The following NPR3 variants were observed in gnomAD, a reference collection of about 807,000 sequenced individuals.
NPR3 encodes atrial natriuretic peptide receptor 3.
A neutral mutation model predicts 54.5 loss-of-function variants in NPR3; 34 were observed. That is an observed-to-expected ratio of 0.62 (90% CI 0.47 to 0.83). The LOEUF (loss-of-function observed/expected upper bound fraction) is 0.83, where lower values mean the gene tolerates loss of function less well. Among genes scored for constraint, NPR3 ranks in the 40% least tolerant of loss-of-function variants. NPR3 has a pLI of 0.00. For synonymous variants in NPR3, 289 were observed against 297.1 expected, an observed-to-expected ratio of 0.97 and a Z score of 0.28; for missense variants, 674 against 720.8, an observed-to-expected ratio of 0.94 and a Z score of 0.74.
chr5:32,730,334 A>G (rs1459728810), intron 2 of NPR3, among the ~76,000 whole-genome samples: 3 of 152,230 alleles, frequency 2.0e-5, no homozygotes, highest in Non-Finnish European at 4.4e-5. Flanking sequence ...GCTTAGGTTG[A>G]CAAAGAACAC....
intron 1 of NPR3, among the ~76,000 whole-genome samples, chr5:32,715,826 T>C (rs1738518721): frequency 6.6e-6 from 1 of 152,260 alleles, no homozygotes; most frequent in African/African-American, 2.4e-5. Flanking sequence ...TGTAGTTTTA[T>C]CCTTTTAGTT....
intron 1 of NPR3, chr5:32,716,483 T>C (rs10057069): frequency 0.22 from 99,261 of 447,850 alleles, 12,225 homozygotes; most frequent in Middle Eastern, 0.34. Flanking sequence ...TCCAGTCATC[T>C]TTCCAATATG....
chr5:32,708,612 T>G (rs1317297271), upstream of NPR3, among the ~76,000 whole-genome samples: 1 of 152,230 alleles, frequency 6.6e-6, no homozygotes. Context: ...ATATCACTTA[T>G]ACTGTTTGGG....
chr5:32,722,264 G>A (rs1451831454), intron 1 of NPR3, among the ~76,000 whole-genome samples: 1 of 152,196 alleles, frequency 6.6e-6, no homozygotes, highest in Non-Finnish European at 1.5e-5. Context: ...CTCTTAGATG[G>A]ATGCCTAGGG....
At chr5:32,772,940 GGCAAACACGAAATATCTGCTTCCGGGAT>G in intron 3 of NPR3, among the ~76,000 whole-genome samples, 1 of 152,274 alleles carries the variant, frequency 6.6e-6, no homozygotes, top group Admixed American at 6.5e-5. Flanking sequence ...ACTAGCTTTT[GGCAAACACGAAATATCTGCTTCCGGGAT>G]GCAAACAGGA....
At chr5:32,745,575 C>T (rs1042241835) in intron 3 of NPR3, among the ~76,000 whole-genome samples, 12 of 152,162 alleles carry the variant, frequency 7.9e-5, no homozygotes, top group Non-Finnish European at 8.8e-5. Context: ...TCAGTCTGAC[C>T]CTTTTAACAA....
chr5:32,728,217 C>G (rs79040908), intron 2 of NPR3, among the ~76,000 whole-genome samples: 17,522 of 152,150 alleles, frequency 0.12, 1,183 homozygotes, highest in East Asian at 0.23. Flanking sequence ...AATGCTAGCA[C>G]TTTGGGAGGC....
At chr5:32,699,576 T>C (rs182654860) in intron 1 of NPR3, among the ~76,000 whole-genome samples, 1 of 152,232 alleles carries the variant, frequency 6.6e-6, no homozygotes, top group Non-Finnish European at 1.5e-5. Flanking sequence ...GGAAAAACTC[T>C]GCACTTTAAC....
At chr5:32,780,958 G>A in intron 5 of NPR3, 142 bp downstream of exon 5, 2 of 598,612 alleles carry the variant, frequency 3.3e-6, no homozygotes, top group Admixed American at 3.0e-5. Flanking sequence ...TTTTGATTGA[G>A]GGTTCAAGGA....
intron 4 of NPR3, among the ~76,000 whole-genome samples, chr5:32,776,094 T>C (rs752626371): frequency 2.0e-5 from 3 of 152,234 alleles, no homozygotes; most frequent in Non-Finnish European, 4.4e-5. Flanking sequence ...TGTATAAATA[T>C]TTTAAGCCTT....
intron 1 of NPR3, among the ~76,000 whole-genome samples, chr5:32,700,401 T>A (rs1304216835): frequency 6.6e-6 from 1 of 152,028 alleles, no homozygotes; most frequent in African/African-American, 2.4e-5. Flanking sequence ...TTCTTTTTTC[T>A]TTTTTTTCAT....
intron 7 of NPR3, 122 bp downstream of exon 7, chr5:32,785,005 A>C: frequency 1.2e-6 from 1 of 804,864 alleles, no homozygotes; most frequent in Non-Finnish European, 2.0e-6. Flanking sequence ...GGTGGTTAAA[A>C]AATCTCAGCC....
intron 2 of NPR3, among the ~76,000 whole-genome samples, chr5:32,735,277 TA>T (rs1485765333): frequency 1.3e-5 from 2 of 152,152 alleles, no homozygotes; most frequent in East Asian, 3.8e-4. Flanking sequence ...GCTGCTTCTT[TA>T]CTGTTAACCT....
intron 7 of NPR3, among the ~76,000 whole-genome samples, chr5:32,785,172 G>T (rs1293882663): frequency 4.0e-5 from 5 of 123,724 alleles, no homozygotes; most frequent in South Asian, 2.5e-4. Context: ...TTTTTGAGAC[G>T]GAGTCTCAGT....
At chr5:32,762,927 AT>A (rs1741254367) in intron 3 of NPR3, among the ~76,000 whole-genome samples, 3 of 152,082 alleles carry the variant, frequency 2.0e-5, no homozygotes, top group Admixed American at 1.3e-4. Context: ...CCTGAATGGT[AT>A]TGCCTAGGTT....
At chr5:32,779,446 C>A (rs748617115) in intron 4 of NPR3, among the ~76,000 whole-genome samples, 2 of 152,200 alleles carry the variant, frequency 1.3e-5, no homozygotes, top group Non-Finnish European at 2.9e-5. Context: ...CCATTATAGG[C>A]CAAAGCAAGT....
At position 32,789,498 on chromosome 5, in the gene NPR3, C is replaced by G. The variant is rs1308421199; in HGVS notation, c.*3153C>G. 1.9e-6 allele frequency: 1 copy of G among 534,698 alleles called. No individual in the cohort carries two copies. Among genetic ancestry groups the G allele is most frequent in the South Asian group, 1.4e-5 (1 of 71,590 alleles). The allele number at this position is 534,698 out of a possible 1,614,324, so 33.1% of individuals were successfully genotyped here. A position where few individuals can be genotyped will look rare whatever the true frequency, so the allele number is the denominator to read the frequency against. ...TGGTTCTACAGACCCTACTATAATT[C>G]TTCACATTTCAGAACCCATGTTTAA... On this transcript the variant is annotated 3_prime_UTR_variant, in exon 8 of 8. Coordinates refer to ENST00000265074, the MANE Select transcript of NPR3 (RefSeq NM_001204375.2).
rs146806371 is a variant in NPR3, at chr5:32,703,080, A to G, written c.100+13894A>G. On this transcript the variant is annotated intron_variant, in intron 1 of 5. Coordinates refer to the NPR3 transcript ENST00000509104. ...ACTATTCCTTTCCCTTTTCATAAGC[A>G]AAGGAATCTCTCCATATGGTCATCA... Among the ~76,000 whole-genome samples the G allele has an allele frequency of 3.7e-3, 559 of 152,260 alleles. 1 individual carries two copies. The highest frequency in any genetic ancestry group is 6.7e-3 in the Non-Finnish European group (457 of 68,022).
chr5:32,760,780 T>C (rs1237455110), intron 3 of NPR3, among the ~76,000 whole-genome samples: 1 of 152,146 alleles, frequency 6.6e-6, no homozygotes, highest in Non-Finnish European at 1.5e-5. Context: ...TTTCTGGTTT[T>C]CTTTCAGAGC....
Sources: allele counts gnomAD v4.1 joint callset (sites outside exome capture counted in the v4.1 genomes callset), GRCh38; gene constraint gnomAD v4.1.1; transcripts MANE v1.5; gene names NCBI Gene and HGNC (gene_info 2026-07-23, HGNC 2026-07-21).